The following PLEKHA6 variants were observed in gnomAD, a reference collection of about 807,000 sequenced individuals.
PLEKHA6 encodes the protein pleckstrin homology domain containing A6.
Under a neutral mutation model 116.7 loss-of-function variants are expected in PLEKHA6, and 60 were observed. The ratio of observed to expected loss-of-function variants is 0.51; its 90% CI spans 0.42 to 0.64. The LOEUF (loss-of-function observed/expected upper bound fraction) is 0.64. Ranked by LOEUF, PLEKHA6 falls within the 30% of genes least tolerant of loss-of-function variation. PLEKHA6 has a pLI of 0.00. For missense variants in PLEKHA6, 1,338 were observed against 1,422.7 expected (o/e 0.94, Z 0.96); for synonymous variants, 489 against 556.1 (o/e 0.88, Z 1.70).
intron 1 of PLEKHA6, chr1:204,313,643 T>G (rs6659611): frequency 0.75 from 733,199 of 983,302 alleles, 274,310 homozygotes; most frequent in Middle Eastern, 0.77. Context: ...ATCATATGAT[T>G]CTCCACCTCC....
upstream of PLEKHA6, among the ~76,000 whole-genome samples, chr1:204,363,140 C>T (rs1673592404): frequency 6.6e-6 from 1 of 152,202 alleles, no homozygotes; most frequent in African/African-American, 2.4e-5. Flanking sequence ...TGGTGGCTCC[C>T]CCGCCCCTCC....
rs1375547227 is a variant in PLEKHA6 at position 204,228,082 on chromosome 1, C to G, written c.3031+1G>C. 1.9e-6 allele frequency: 3 copies of G among 1,611,976 alleles called. No homozygotes were observed. The African/African-American group carries it at 4.0e-5, about 22-fold the overall frequency. ...GTGGAGCGAGGCCCAGCCCCTCTCA[C>G]CAGACAGCATGCGGCCCCTGCGGGA... On this transcript the variant is annotated splice_donor_variant, in intron 21 of 22. Transcript: ENST00000272203. LOFTEE classifies it high-confidence loss of function. The surrounding 1 kb of genome is among the most constrained non-coding windows in gnomAD (Gnocchi z 4.0).
At chr1:204,242,244 T>C (rs1662933558) in intron 15 of PLEKHA6, among the ~76,000 whole-genome samples, 1 of 152,188 alleles carries the variant, frequency 6.6e-6, no homozygotes, top group African/African-American at 2.4e-5. Flanking sequence ...GCACTTAGTG[T>C]GTGGGCTCAC....
At chr1:204,248,244 C>T (rs544366711) in intron 12 of PLEKHA6, among the ~76,000 whole-genome samples, 73 of 150,932 alleles carry the variant, frequency 4.8e-4, no homozygotes, top group Admixed American at 1.3e-3. Context: ...CGGCAACCTC[C>T]GCCTCATGGG....
intron 1 of PLEKHA6, among the ~76,000 whole-genome samples, chr1:204,346,556 T>G (rs981778696): frequency 6.6e-6 from 1 of 152,150 alleles, no homozygotes; most frequent in Non-Finnish European, 1.5e-5. Context: ...ACACTCACAG[T>G]TGGGTCACAC....
At chr1:204,323,126 T>C (rs907158321) in intron 1 of PLEKHA6, among the ~76,000 whole-genome samples, 1 of 152,278 alleles carries the variant, frequency 6.6e-6, no homozygotes, top group Admixed American at 6.5e-5. Context: ...GTATCTACTA[T>C]GTGCCACAGC....
intron 3 of PLEKHA6, 92 bp from the exon 4 acceptor site, chr1:204,268,404 C>T: frequency 1.2e-6 from 1 of 823,428 alleles, no homozygotes; most frequent in Non-Finnish European, 1.8e-6. Flanking sequence ...GCTGCTTCTC[C>T]CTAGGGTTAA....
At chr1:204,260,598 A>G (rs925543246) in intron 7 of PLEKHA6, among the ~76,000 whole-genome samples, 1 of 152,216 alleles carries the variant, frequency 6.6e-6, no homozygotes, top group Non-Finnish European at 1.5e-5. Context: ...CAAACTCCAC[A>G]TATTCAAGTG....
chr1:204,346,815 AG>A (rs1673072367), intron 1 of PLEKHA6: 1 of 1,287,368 alleles, frequency 7.8e-7, no homozygotes, highest in South Asian at 1.2e-5. Flanking sequence ...CCAGCAGCTC[AG>A]GCTCCTTCCC....
intron 9 of PLEKHA6, among the ~76,000 whole-genome samples, chr1:204,253,674 T>A (rs941014619): frequency 1.3e-5 from 2 of 151,510 alleles, no homozygotes; most frequent in Non-Finnish European, 2.9e-5. Flanking sequence ...AAAAAAAATT[T>A]TTTAATTAGC....
At chr1:204,327,840 G>A (rs575776849) in intron 1 of PLEKHA6, among the ~76,000 whole-genome samples, 32 of 152,326 alleles carry the variant, frequency 2.1e-4, no homozygotes, top group African/African-American at 7.2e-4. Flanking sequence ...CATTCCTAAG[G>A]AAAGGACAGG....
At chr1:204,329,999 G>T (rs1436163964) in intron 1 of PLEKHA6, among the ~76,000 whole-genome samples, 1 of 151,986 alleles carries the variant, frequency 6.6e-6, no homozygotes, top group African/African-American at 2.4e-5. Context: ...ACAGTGAATG[G>T]ACCTGATTTG....
chr1:204,359,491 T>C, intron 1 of PLEKHA6: 1 of 391,032 alleles, frequency 2.6e-6, no homozygotes, highest in Non-Finnish European at 3.4e-6. Flanking sequence ...GAGGTGGGGG[T>C]GGGGGCACAG....
In PLEKHA6 at chr1:204,228,639, G is replaced by A; in HGVS notation, c.2885+89C>T. The A allele has an allele frequency of 8.2e-7, 1 of 1,220,580 alleles. No homozygotes were observed. The highest frequency in any genetic ancestry group is 1.2e-6 in the Non-Finnish European group (1 of 829,904). The allele number at this position is 1,220,580 out of a possible 1,614,324, so 75.6% of individuals were successfully genotyped here. A position where few individuals can be genotyped will look rare whatever the true frequency, so the allele number is the denominator to read the frequency against. On this transcript the variant is annotated intron_variant, in intron 20 of 22. Transcript: ENST00000272203. This position sits in a 1 kb window ranked among gnomAD's most constrained non-coding sequence, Gnocchi z 4.0. ...ACCTCGATGTGCTCTCCCCTGGGGA[G>A]GCTCTGTGCCCCCAACGACTTCTAG...
intron 6 of PLEKHA6, chr1:204,262,224 G>A (rs1415469249): frequency 1.3e-5 from 2 of 152,414 alleles, no homozygotes; most frequent in African/African-American, 2.4e-5. Context: ...GGGGTGGGGA[G>A]TGGAGAGCTT....
At chr1:204,339,267 C>T (rs577336855) in intron 1 of PLEKHA6, among the ~76,000 whole-genome samples, 8 of 152,286 alleles carry the variant, frequency 5.3e-5, no homozygotes, top group South Asian at 2.1e-4. Context: ...TGGCCACGGC[C>T]GGAAATGACC....
chr1:204,264,980 G>T lies in PLEKHA6; in HGVS notation c.343C>A (p.Gln115Lys). The stretch of plus-strand genomic sequence containing the variant: ...TTCCGGCTGATGTTGTCTGAGGGCT[G>T]CACTGCGGCTACCCGGAAGCTCAGG... ...PLLSFRVAAV[Q>K]PSDNISRKHT... The change falls in exon 6 of 23, where the codon CAG becomes AAG. Residue 115 changes from glutamine (Q) to lysine (K), a missense_variant. Coordinates refer to ENST00000272203, the MANE Select transcript of PLEKHA6 (RefSeq NM_014935.5). The T allele has an allele frequency of 6.2e-7, 1 of 1,614,064 alleles. No homozygotes were observed. Among genetic ancestry groups the T allele is most frequent in the South Asian group, 1.1e-5 (1 of 91,078 alleles).
chr1:204,359,449 T>C, intron 1 of PLEKHA6: 1 of 213,988 alleles, frequency 4.7e-6, no homozygotes, highest in Non-Finnish European at 8.0e-6. Context: ...TGTAATCAAT[T>C]TAAACAGCAT....
chr1:204,370,874 CA>C (rs1673760411), intron 2 of PLEKHA6, among the ~76,000 whole-genome samples: 1 of 152,018 alleles, frequency 6.6e-6, no homozygotes, highest in African/African-American at 2.4e-5. Context: ...GCCAACATGG[CA>C]AAACCCCATC....
Sources: gnomAD v4.1 joint callset for allele counts (sites outside exome capture counted in the v4.1 genomes callset) on GRCh38, gnomAD v4.1.1 for gene constraint, Gnocchi (gnomAD v3.1) non-coding constraint, MANE v1.5 for transcripts, NCBI Gene and HGNC (gene_info 2026-07-23, HGNC 2026-07-21) for gene names.